The following ASPM variants were observed in gnomAD, a reference collection of about 807,000 sequenced individuals.
ASPM encodes the protein assembly factor for spindle microtubules, also known as abnormal spindle-like microcephaly-associated protein.
ASPM carries 256 observed loss-of-function variants against 366.4 expected under a neutral mutation model. The ratio of observed to expected loss-of-function variants is 0.70; its 90% confidence interval spans 0.63 to 0.77. The LOEUF (loss-of-function observed/expected upper bound fraction) is 0.77, where lower values mean the gene tolerates loss of function less well. Ranked by LOEUF, ASPM falls within the 30% of genes least tolerant of loss-of-function variation. The pLI is 0.00. For synonymous variants in ASPM, 1,414 were observed against 1,342.9 expected, an observed-to-expected ratio of 1.05 and a Z score of -1.16; for missense variants, 4,146 against 4,090.4, an observed-to-expected ratio of 1.01 and a Z score of -0.37.
chr1:197,084,798 C>T (rs1043886720), intron 27 of ASPM, among the ~76,000 whole-genome samples: 2 of 152,148 alleles, frequency 1.3e-5, no homozygotes, highest in Non-Finnish European at 2.9e-5. Flanking sequence ...CAACCTAGTC[C>T]GTTTTTGCCC....
chr1:197,129,400 G>T (rs1658194682), intron 8 of ASPM, 83 bp from the exon 9 acceptor site: 3 of 1,457,606 alleles, frequency 2.1e-6, no homozygotes, highest in Non-Finnish European at 1.9e-6. Context: ...ATAATAATAA[G>T]GTGTTAGTAA....
Position 197,102,624 on chromosome 1 carries a change from A to C in ASPM, c.6627T>G (p.Phe2209Leu). 3 of 1,612,540 alleles carry C rather than the reference A, an allele frequency of 1.9e-6. No individual in the cohort carries two copies. Among genetic ancestry groups the C allele is most frequent in the South Asian group, 2.2e-5 (2 of 91,042 alleles). ...TTTTTGTTATTTTCTTTAACTTATTAAAGTATGTTTGCTGTCTGTATCTTC... is the reference window on the plus strand; with the variant it reads ...TTTTTGTTATTTTCTTTAACTTATTCAAGTATGTTTGCTGTCTGTATCTTC... The part of the protein sequence containing the change: ...NYRRYRQQTY[F>L]NKLKKITKTV... The change falls in exon 18 of 28, where the codon TTT (phenylalanine) becomes TTG (leucine). Residue 2209 changes from phenylalanine (F) to leucine (L), a missense_variant. Phe to Leu is a conservative substitution (Grantham distance 22). Around this residue, in one of 3 missense-constraint regions of ASPM, gnomAD observed 3,624 missense variants for 3,591.7 expected, o/e 1.01. Coordinates refer to ENST00000367409, the MANE Select transcript of ASPM (RefSeq NM_018136.5).
In ASPM at chr1:197,104,066, G is replaced by A. The variant is rs41299623; in HGVS notation, c.5185C>T (p.Arg1729Trp). 9.7e-3 allele frequency: 15,564 copies of A among 1,612,828 alleles called. 111 individuals carry two copies. Among genetic ancestry groups the A allele is most frequent in the Middle Eastern group, 0.022 (135 of 6,058 alleles). ...AQKREEYMQM[R>W]ESCIKLQAFV... is the part of the protein sequence containing the mutation. ...GCTTGCAGTTTGATACAAGATTCCC[G>A]CATCTGCATATACTCTTCTCTCTTT... The change falls in exon 18 of 28, where the codon CGG becomes TGG. Residue 1729 changes from arginine (R) to tryptophan (W), a missense_variant. Physicochemically the swap from Arg to Trp is moderately radical, Grantham distance 101. Transcript: ENST00000367409.
chr1:197,093,100 A>G lies in ASPM; in HGVS notation c.9246T>C (p.Ser3082=), dbSNP rs201050851. Reference sequence around the variant, plus strand: ...GCACCAGTGCTTGTAGGATAACTGTAGATTTTTTAAATTCAATATATTTTA... The same window carrying G: ...GCACCAGTGCTTGTAGGATAACTGTGGATTTTTTAAATTCAATATATTTTA... The part of the protein sequence containing the change: ...ERIKYIEFKK[S]TVILQALVRG... Residue 3082 remains serine, a synonymous_variant, in exon 21 of 28, where the codon TCT becomes TCC. Transcript: ENST00000367409. 5.0e-5 allele frequency: 81 copies of G among 1,612,190 alleles called. No individual in the cohort carries two copies. The highest frequency in any genetic ancestry group is 1.7e-4 in the Middle Eastern group (1 of 6,004).
intron 17 of ASPM, among the ~76,000 whole-genome samples, chr1:197,112,227 A>T (rs1194543354): frequency 6.6e-6 from 1 of 152,152 alleles, no homozygotes; most frequent in African/African-American, 2.4e-5. Flanking sequence ...ATGGAGCTGG[A>T]GGCCATTATC....
chr1:197,096,487 T>C (rs1656979869), intron 18 of ASPM, among the ~76,000 whole-genome samples: 2 of 151,752 alleles, frequency 1.3e-5, no homozygotes, highest in South Asian at 4.1e-4. Flanking sequence ...ATTATCCTCA[T>C]CACCTCAATC....
At position 197,117,893 on chromosome 1, in the gene ASPM, C is replaced by CT. The variant is rs759632528; in HGVS notation, c.3960_3961insA (p.Val1321SerfsTer29). On this transcript the variant is annotated frameshift_variant, in exon 17 of 28. Transcript: ENST00000367409. LOFTEE classifies it high-confidence loss of function. ...ACTCTTCGCCAATATTTCTGAATGA[C>CT]GAGTGCTGCATTAACTCTTTTTCTC... The CT allele has an allele frequency of 1.9e-6, 3 of 1,613,286 alleles. No individual in the cohort carries two copies. The Admixed American group carries it at 5.0e-5, about 27-fold the overall frequency.
chr1:197,084,541 C>T (rs1027040113), intron 27 of ASPM, 115 bp from the exon 28 acceptor site: 7 of 710,200 alleles, frequency 9.9e-6, no homozygotes, highest in Admixed American at 6.7e-5. Flanking sequence ...ATTTCCCTTA[C>T]AAACTGCTCA....
In ASPM at chr1:197,100,687, C is replaced by A; in HGVS notation, c.8564G>T (p.Arg2855Ile). 2 of 1,612,362 alleles carry A rather than the reference C, an allele frequency of 1.2e-6. No individual in the cohort carries two copies. The highest frequency in any genetic ancestry group is 1.7e-6 in the Non-Finnish European group (2 of 1,179,018). ...FFLQMAVYRR[R>I]FVQQKRAAIT... Reference sequence around the variant, plus strand: ...AGCAGCTCTTTTCTGCTGAACAAATCTTCTCCGATACACAGCCATCTGAAG... The same window carrying A: ...AGCAGCTCTTTTCTGCTGAACAAATATTCTCCGATACACAGCCATCTGAAG... Residue 2855 changes from arginine (R) to isoleucine (I), a missense_variant, in exon 18 of 28, where the codon AGA becomes ATA. Coordinates refer to ENST00000367409, the MANE Select transcript of ASPM (RefSeq NM_018136.5).
intron 7 of ASPM, 69 bp downstream of exon 7, chr1:197,132,216 A>C: frequency 1.7e-6 from 2 of 1,201,398 alleles, no homozygotes; most frequent in Non-Finnish European, 2.3e-6. Context: ...ATTGTAATAA[A>C]ATGAGTCTAT....
chr1:197,108,126 T>A (rs1479588962), intron 17 of ASPM, among the ~76,000 whole-genome samples: 4 of 150,942 alleles, frequency 2.7e-5, no homozygotes, highest in African/African-American at 9.7e-5. Flanking sequence ...AATAGGAAAA[T>A]CTCCAAACAT....
intron 27 of ASPM, 68 bp downstream of exon 27, chr1:197,086,735 C>A (rs1656599129): frequency 7.6e-7 from 1 of 1,313,288 alleles, no homozygotes; most frequent in East Asian, 2.3e-5. Flanking sequence ...GGTAAGTGCT[C>A]AATAAATATT....
rs1394353328 is a variant in ASPM, at chr1:197,090,380, C to T, written c.9645G>A (p.Trp3215Ter). 6.2e-7 allele frequency: 1 copy of T among 1,606,608 alleles called. No homozygotes were observed. The highest frequency in any genetic ancestry group is 1.3e-5 in the African/African-American group (1 of 74,666). Residue 3215 changes from tryptophan (W) to a stop codon, truncating the protein, a stop_gained, in exon 24 of 28, where the codon TGG becomes TGA. Transcript: ENST00000367409. LOFTEE classifies it high-confidence loss of function. ...TSGIIKIQAL[W>*]RGYSWRKKND... is the part of the protein sequence containing the mutation. ...TTTTCTTCCTCCAAGAATAGCCTCT[C>T]CATAATGCCTTAAAGAGATAAAACA...
chr1:197,101,975 T>C lies in ASPM; in HGVS notation c.7276A>G (p.Arg2426Gly). 6.2e-7 allele frequency: 1 copy of C among 1,612,858 alleles called. No individual in the cohort carries two copies. The highest frequency in any genetic ancestry group is 8.5e-7 in the Non-Finnish European group (1 of 1,179,316). ...SRFRSLLVRR[R>G]FISLKKATIF... ...GTAGCTTTTTTGAGGGAAATGAATCTTCTCCTCACCAGTAATGATCTAAAC... is the reference window on the plus strand; with the variant it reads ...GTAGCTTTTTTGAGGGAAATGAATCCTCTCCTCACCAGTAATGATCTAAAC... The change falls in exon 18 of 28, where the codon AGA (arginine) becomes GGA (glycine). Residue 2426 changes from arginine (R) to glycine (G), a missense_variant. By Grantham distance (125) the Arg-to-Gly change is moderately radical. Coordinates refer to ENST00000367409, the MANE Select transcript of ASPM (RefSeq NM_018136.5).
At chr1:197,134,280 C>T (rs935961323) in intron 5 of ASPM, among the ~76,000 whole-genome samples, 1 of 151,070 alleles carries the variant, frequency 6.6e-6, no homozygotes, top group Non-Finnish European at 1.5e-5. Flanking sequence ...GGCATGGTGG[C>T]GTGCACTGGT....
intron 17 of ASPM, among the ~76,000 whole-genome samples, chr1:197,115,276 C>T (rs74434834): frequency 0.02 from 3,107 of 152,236 alleles, 113 homozygotes; most frequent in African/African-American, 0.071. Context: ...TGCTGCAATT[C>T]GGCACACCTT....
chr1:197,101,894 G>C lies in ASPM; in HGVS notation c.7357C>G (p.Gln2453Glu). The change falls in exon 18 of 28, where the codon CAA becomes GAA. Residue 2453 changes from glutamine (Q) to glutamate (E), a missense_variant. This residue lies in a region of ASPM where 3,624 missense variants were observed against 3,591.7 expected (regional missense o/e 1.01). Coordinates refer to ENST00000367409, the MANE Select transcript of ASPM (RefSeq NM_018136.5). ...ATICAKHKLY[Q>E]FLHLRKAAIT... The stretch of plus-strand genomic sequence containing the variant: ...GCTGCCTTTCTTAAGTGCAAGAATT[G>C]GTACAATTTATGTTTGGCACAAATG... The C allele has an allele frequency of 6.2e-7, 1 of 1,612,744 alleles. No individual in the cohort carries two copies. Among genetic ancestry groups the C allele is most frequent in the Non-Finnish European group, 8.5e-7 (1 of 1,179,280 alleles).
chr1:197,141,198 AAAT>A (rs1226323277), intron 3 of ASPM, among the ~76,000 whole-genome samples: 7 of 152,140 alleles, frequency 4.6e-5, no homozygotes, highest in African/African-American at 7.2e-5. Flanking sequence ...AAAAAAATGA[AAAT>A]AATAATATTT....
intron 21 of ASPM, 128 bp from the exon 22 acceptor site, chr1:197,092,184 C>T (rs940894755): frequency 5.8e-5 from 50 of 857,688 alleles, no homozygotes; most frequent in Non-Finnish European, 8.0e-5. Context: ...TTAATCATTA[C>T]AATTACTTAT....
Sources: gnomAD v4.1 joint callset for allele counts (sites outside exome capture counted in the v4.1 genomes callset) on GRCh38, gnomAD v4.1.1 for gene constraint, gnomAD v4.1.1 regional missense constraint, MANE v1.5 for transcripts, NCBI Gene and HGNC (gene_info 2026-07-23, HGNC 2026-07-21) for gene names.